The following ING1 variants were observed in gnomAD, a reference collection of about 807,000 sequenced individuals.
ING1 encodes inhibitor of growth protein 1.
ING1 carries 4 observed loss-of-function variants against 23.1 expected under a neutral mutation model. The ratio of observed to expected loss-of-function variants is 0.17; its 90% confidence interval spans 0.09 to 0.40. The LOEUF (loss-of-function observed/expected upper bound fraction) is 0.40. ING1 is among the 10% of genes least tolerant of loss of function. The pLI is 1.00. For synonymous variants in ING1, 179 were observed against 166.4 expected, an observed-to-expected ratio of 1.08 and a Z score of -0.58; for missense variants, 256 against 393.8, an observed-to-expected ratio of 0.65 and a Z score of 2.96.
At chr13:110,714,493 G>T (rs2064083654) in intron 1 of ING1, among the ~76,000 whole-genome samples, 2 of 152,150 alleles carry the variant, frequency 1.3e-5, no homozygotes, top group African/African-American at 2.4e-5. Flanking sequence ...GGAGGAGGAA[G>T]GAGGCGCGAG....
At position 110,714,089 on chromosome 13, in the gene ING1, G is replaced by T; in HGVS notation, c.-61G>T. 1 of 1,478,770 alleles carries T rather than the reference G, an allele frequency of 6.8e-7. No homozygotes were observed. Among genetic ancestry groups the T allele is most frequent in the South Asian group, 1.3e-5 (1 of 75,982 alleles). The allele number at this position is 1,478,770 out of a possible 1,614,324, so 91.6% of individuals were successfully genotyped here. A position where few individuals can be genotyped will look rare whatever the true frequency, so the allele number is the denominator to read the frequency against. On this transcript the variant is annotated 5_prime_UTR_variant, in exon 1 of 2. Coordinates refer to ENST00000333219, the MANE Select transcript of ING1 (RefSeq NM_198219.3). ...ATTTTGCAGTGCTATTTTTTGAGGGGGGCGGGGGGTGGAGGAAGCGGAAAG... is the reference window on the plus strand; with the variant it reads ...ATTTTGCAGTGCTATTTTTTGAGGGTGGCGGGGGGTGGAGGAAGCGGAAAG...
chr13:110,715,805 G>A, intron 1 of ING1: 2 of 1,586,916 alleles, frequency 1.3e-6, no homozygotes, highest in South Asian at 2.2e-5. Flanking sequence ...GAGGCCTGGC[G>A]GGTGTCGCCC....
chr13:110,717,028 A>G (rs1412618150), intron 1 of ING1, among the ~76,000 whole-genome samples: 1 of 152,222 alleles, frequency 6.6e-6, no homozygotes, highest in East Asian at 1.9e-4. Context: ...CCTGGATGGA[A>G]GCTTGCTTGT....
At chr13:110,712,943 A>C (rs1164116853), upstream of ING1, 4 of 1,559,218 alleles carry the variant, frequency 2.6e-6, no homozygotes, top group African/African-American at 5.5e-5. Context: ...GGAGCCGCCT[A>C]GGCTGCTGGG....
At chr13:110,714,844 C>T (rs1463520255) in intron 1 of ING1, 2 of 397,176 alleles carry the variant, frequency 5.0e-6, no homozygotes, top group Non-Finnish European at 6.9e-6. Context: ...CGGCCGCCCC[C>T]GCCCAGCCCC....
At chr13:110,713,579 C>T (rs1193066396), upstream of ING1, 1 of 985,702 alleles carries the variant, frequency 1.0e-6, no homozygotes, top group Non-Finnish European at 1.2e-6. Flanking sequence ...CCCCCAGGGC[C>T]TGGGACGGTG....
Position 110,720,135 on chromosome 13 carries a change from A to G in ING1, c.*203A>G. 6.8e-6 allele frequency: 3 copies of G among 440,024 alleles called. No homozygotes were observed. Among genetic ancestry groups the G allele is most frequent in the Non-Finnish European group, 8.2e-6 (2 of 243,156 alleles). 27.3% of individuals were successfully genotyped at this position (440,024 alleles called of 1,614,324 possible). A position where few individuals can be genotyped will look rare whatever the true frequency, so the allele number is the denominator to read the frequency against. ...CGTGTAACAAGAAAGTGGTCTGTGG[A>G]TCAGCATTTTAGAAACTACAAATAT... On this transcript the variant is annotated 3_prime_UTR_variant, in exon 2 of 2. Transcript: ENST00000333219.
upstream of ING1, chr13:110,713,571 C>T (rs1159984383): frequency 6.1e-6 from 6 of 985,856 alleles, no homozygotes; most frequent in East Asian, 5.7e-4. Context: ...GCCCGCAGCC[C>T]CCAGGGCCTG....
Position 110,719,877 on chromosome 13 carries a change from A to G in ING1, c.785A>G (p.Lys262Arg). 6.2e-7 allele frequency: 1 copy of G among 1,613,292 alleles called. No individual in the cohort carries two copies. Among genetic ancestry groups the G allele is most frequent in the Non-Finnish European group, 8.5e-7 (1 of 1,179,816 alleles). Residue 262 changes from lysine to arginine, a missense_variant, in exon 2 of 2, where the codon AAG (lysine) becomes AGG (arginine). Around this residue, in one of 3 missense-constraint regions of ING1, gnomAD observed 22 missense variants for 24.2 expected, o/e 0.91. Coordinates refer to ENST00000333219, the MANE Select transcript of ING1 (RefSeq NM_198219.3). This position sits in a 1 kb window ranked among gnomAD's most constrained non-coding sequence, Gnocchi z 8.9. ...YCPKCRGENE[K>R]TMDKALEKSK... ...CCCAAGTGCCGGGGGGAGAACGAGAAGACCATGGACAAAGCCCTGGAGAAA... is the reference window on the plus strand; with the variant it reads ...CCCAAGTGCCGGGGGGAGAACGAGAGGACCATGGACAAAGCCCTGGAGAAA...
chr13:110,713,143 C>T, upstream of ING1: 1 of 1,430,590 alleles, frequency 7.0e-7, no homozygotes, highest in Non-Finnish European at 9.1e-7. Context: ...TCACGGTCTC[C>T]CCGCCTCCTC....
chr13:110,715,582 G>A (rs147836760), intron 1 of ING1: 16 of 1,614,030 alleles, frequency 9.9e-6, no homozygotes, highest in Non-Finnish European at 1.3e-5. Context: ...GAGGAGCGGG[G>A]TGGAGGGTGG....
At position 110,713,995 on chromosome 13, in the gene ING1, C is replaced by T; in HGVS notation, c.-155C>T. 3 of 1,138,368 alleles carry T rather than the reference C, an allele frequency of 2.6e-6. No individual in the cohort carries two copies. Among genetic ancestry groups the T allele is most frequent in the Non-Finnish European group, 3.2e-6 (3 of 927,726 alleles). The allele number at this position is 1,138,368 out of a possible 1,614,324, so 70.5% of individuals were successfully genotyped here. On this transcript the variant is annotated 5_prime_UTR_variant, in exon 1 of 2. Transcript: ENST00000333219. Reference sequence around the variant, plus strand: ...CGCGGACCCGGAGGCGGCGGACGGGCTCGGCAGATGTAGCCGCCGGGCCGA... The same window carrying T: ...CGCGGACCCGGAGGCGGCGGACGGGTTCGGCAGATGTAGCCGCCGGGCCGA...
At chr13:110,715,653 C>G in intron 1 of ING1, 1 of 1,612,502 alleles carries the variant, frequency 6.2e-7, no homozygotes, top group Non-Finnish European at 8.5e-7. Context: ...GTTCTTCTCG[C>G]TGCTGGGGCG....
Position 110,713,835 on chromosome 13 carries a change from G to T in ING1, c.-315G>T. On this transcript the variant is annotated 5_prime_UTR_variant, in exon 1 of 2. Coordinates refer to ENST00000333219, the MANE Select transcript of ING1 (RefSeq NM_198219.3). Reference sequence around the variant, plus strand: ...CGGCCGCGGCGCTGGGCCCTCTCCCGCCGGTGTGTGCGCGCTCGTACGCGC... The same window carrying T: ...CGGCCGCGGCGCTGGGCCCTCTCCCTCCGGTGTGTGCGCGCTCGTACGCGC... 4.1e-6 allele frequency: 4 copies of T among 983,190 alleles called. No homozygotes were observed. The highest frequency in any genetic ancestry group is 4.8e-6 in the Non-Finnish European group (4 of 829,008). 60.9% of individuals were successfully genotyped at this position (983,190 alleles called of 1,614,324 possible). A position where few individuals can be genotyped will look rare whatever the true frequency, so the allele number is the denominator to read the frequency against.
At chr13:110,715,042 G>A in intron 1 of ING1, 4 of 1,001,234 alleles carry the variant, frequency 4.0e-6, no homozygotes, top group Non-Finnish European at 4.8e-6. Context: ...CAGATCGCTG[G>A]CTTGGAGAGG....
chr13:110,720,008 C>T lies in ING1; in HGVS notation c.*76C>T. ...TTACATTGCTGCCTTTGTTGAGGTG[C>T]AAGGAGTGTAAAATGTATATTTTTA... is the stretch of plus-strand genomic sequence containing the variant. On this transcript the variant is annotated 3_prime_UTR_variant, in exon 2 of 2. Coordinates refer to ENST00000333219, the MANE Select transcript of ING1 (RefSeq NM_198219.3). 9.7e-6 allele frequency: 10 copies of T among 1,028,106 alleles called. No individual in the cohort carries two copies. Among genetic ancestry groups the T allele is most frequent in the Non-Finnish European group, 1.4e-5 (10 of 713,738 alleles). The allele number at this position is 1,028,106 out of a possible 1,614,324, so 63.7% of individuals were successfully genotyped here. A position where few individuals can be genotyped will look rare whatever the true frequency, so the allele number is the denominator to read the frequency against.
In ING1 at chr13:110,716,083, C is replaced by G. The variant is rs905153798; in HGVS notation, c.136+1798C>G. ...TTTCTGGAAGGTGCTGTCCTCGGGC[C>G]GGACGGGCCCCGTGGGGTGACCCTG... On this transcript the variant is annotated intron_variant, in intron 1 of 1. Coordinates refer to ENST00000333219, the MANE Select transcript of ING1 (RefSeq NM_198219.3). The G allele has an allele frequency of 9.8e-6, 14 of 1,423,972 alleles. No individual in the cohort carries two copies. The Admixed American group carries it at 4.0e-4, about 41-fold the overall frequency. The allele number at this position is 1,423,972 out of a possible 1,614,324, so 88.2% of individuals were successfully genotyped here.
At position 110,715,523 on chromosome 13, in the gene ING1, T is replaced by A. The variant is rs1270360413; in HGVS notation, c.136+1238T>A. On this transcript the variant is annotated intron_variant, in intron 1 of 1. Coordinates refer to ENST00000333219, the MANE Select transcript of ING1 (RefSeq NM_198219.3). Reference sequence around the variant, plus strand: ...GCGGATGAAGGCGGGCCTAGCGCAATAACTGGTATGGGTCTGTGTTTCCGC... The same window carrying A: ...GCGGATGAAGGCGGGCCTAGCGCAAAAACTGGTATGGGTCTGTGTTTCCGC... 3 of 1,614,032 alleles carry A rather than the reference T, an allele frequency of 1.9e-6. No individual in the cohort carries two copies. The highest frequency in any genetic ancestry group is 3.3e-5 in the Admixed American group (2 of 59,990).
rs200875181 is a variant in ING1 at position 110,714,281 on chromosome 13, C to T, written c.132C>T (p.Tyr44=). 78 of 1,568,320 alleles carry T rather than the reference C, an allele frequency of 5.0e-5. No homozygotes were observed. Among genetic ancestry groups the T allele is most frequent in the Admixed American group, 1.1e-4 (6 of 54,314 alleles). Residue 44 remains tyrosine, a synonymous_variant, in exon 1 of 2, where the codon TAC becomes TAT. Coordinates refer to ENST00000333219, the MANE Select transcript of ING1 (RefSeq NM_198219.3). ...VSLMREIDAK[Y]QEILKELDEC... ...TGATGCGGGAGATCGACGCGAAATA[C>T]CAAGGTACGGCCGGGTGATGGATGG...
Sources: gnomAD v4.1 joint callset for allele counts (sites outside exome capture counted in the v4.1 genomes callset) on GRCh38, gnomAD v4.1.1 for gene constraint, gnomAD v4.1.1 regional missense constraint, Gnocchi (gnomAD v3.1) non-coding constraint, MANE v1.5 for transcripts, NCBI Gene and HGNC (gene_info 2026-07-23, HGNC 2026-07-21) for gene names.